The following COL5A2 variants were observed in gnomAD, a reference collection of about 807,000 sequenced individuals.
COL5A2 encodes the protein collagen alpha-2(V) chain.
In COL5A2, 23 loss-of-function variants were observed where a neutral mutation model predicts 208.2. The ratio of observed to expected loss-of-function variants is 0.11; its 90% CI spans 0.08 to 0.16. The LOEUF (loss-of-function observed/expected upper bound fraction) is 0.16. Among genes scored for constraint, COL5A2 ranks in the 10% least tolerant of loss-of-function variants. The probability of loss-of-function intolerance (pLI) is 1.00; values close to 1 mark genes in which losing one functional copy is unlikely to be tolerated. For synonymous variants in COL5A2, 625 were observed against 628.5 expected, an observed-to-expected ratio of 0.99 and a Z score of 0.08; for missense variants, 1,590 against 1,956.4, an observed-to-expected ratio of 0.81 and a Z score of 3.53.
the COL5A2 span, among the ~76,000 whole-genome samples, chr2:189,400,071 T>C: frequency 6.6e-6 from 1 of 152,190 alleles, no homozygotes. Context: ...CTTTATTTGA[T>C]CTAATTTTAT....
At chr2:189,338,126 T>C in the COL5A2 span, among the ~76,000 whole-genome samples, 1 of 152,216 alleles carries the variant, frequency 6.6e-6, no homozygotes, top group Non-Finnish European at 1.5e-5. Context: ...ACATAATATA[T>C]ATTACAAACG....
the COL5A2 span, among the ~76,000 whole-genome samples, chr2:189,253,720 G>A: frequency 6.6e-6 from 1 of 152,034 alleles, no homozygotes; most frequent in African/African-American, 2.4e-5. Flanking sequence ...ATTAAATTTG[G>A]TCGAAGTTCT....
intron 47 of COL5A2, among the ~76,000 whole-genome samples, chr2:189,044,782 T>C (rs914340791): frequency 1.3e-5 from 2 of 152,088 alleles, no homozygotes; most frequent in African/African-American, 4.8e-5. Flanking sequence ...GATCAGAACA[T>C]AGAAAGAAAA....
At position 189,173,560 on chromosome 2, in the gene COL5A2, G is replaced by A. The variant is rs113473533; in HGVS notation, c.97+5948C>T. 1.2e-4 allele frequency among the ~76,000 whole-genome samples: 19 copies of A among 152,080 alleles called. 1 individual carries two copies. Among genetic ancestry groups the A allele is most frequent in the East Asian group, 3.9e-4 (2 of 5,180 alleles). ...GAATATCACAGCTCATTCATCTTAC[G>A]TAAAATTTAGATAAATATATATGAA... On this transcript the variant is annotated intron_variant, in intron 1 of 53. Transcript: ENST00000374866.
At chr2:189,115,013 C>A (rs1330431308) in intron 1 of COL5A2, among the ~76,000 whole-genome samples, 1 of 151,794 alleles carries the variant, frequency 6.6e-6, no homozygotes, top group Non-Finnish European at 1.5e-5. Flanking sequence ...CTGATAATAC[C>A]ATCACTATTT....
intron 1 of COL5A2, among the ~76,000 whole-genome samples, chr2:189,129,517 C>T (rs1472388196): frequency 6.6e-6 from 1 of 151,952 alleles, no homozygotes; most frequent in African/African-American, 2.4e-5. Context: ...AATTTTATGT[C>T]AAATTTCCTT....
chr2:189,276,779 C>T, the COL5A2 span, among the ~76,000 whole-genome samples: 1 of 152,034 alleles, frequency 6.6e-6, no homozygotes, highest in African/African-American at 2.4e-5. Flanking sequence ...TTCTCTTTTG[C>T]AATGATGTAT....
the COL5A2 span, among the ~76,000 whole-genome samples, chr2:189,294,577 A>G: frequency 1.3e-5 from 2 of 152,296 alleles, no homozygotes; most frequent in South Asian, 4.1e-4. Context: ...CTAAAATGGA[A>G]TTCATTTTTT....
the COL5A2 span, among the ~76,000 whole-genome samples, chr2:189,288,301 T>G: frequency 6.6e-6 from 1 of 152,162 alleles, no homozygotes; most frequent in African/African-American, 2.4e-5. Flanking sequence ...TATTAGGGGT[T>G]TTTTCTATCT....
At chr2:189,176,062 T>G (rs1418990061) in intron 1 of COL5A2, among the ~76,000 whole-genome samples, 1 of 152,140 alleles carries the variant, frequency 6.6e-6, no homozygotes, top group Non-Finnish European at 1.5e-5. Context: ...TACTACTGAG[T>G]GTTAAATATC....
chr2:189,152,659 G>A (rs573668883), intron 1 of COL5A2, among the ~76,000 whole-genome samples: 13 of 152,232 alleles, frequency 8.5e-5, no homozygotes, highest in South Asian at 8.3e-4. Flanking sequence ...TCCAACTCCC[G>A]CAGAGGCTGG....
chr2:189,419,491 AAAT>A, the COL5A2 span, among the ~76,000 whole-genome samples: 1 of 152,148 alleles, frequency 6.6e-6, no homozygotes, highest in Non-Finnish European at 1.5e-5. Flanking sequence ...GTTGAAAGTC[AAAT>A]AAAAATAAAA....
the COL5A2 span, among the ~76,000 whole-genome samples, chr2:189,303,755 C>T: frequency 1.3e-5 from 2 of 152,162 alleles, no homozygotes; most frequent in Non-Finnish European, 2.9e-5. Flanking sequence ...AAGGCAAACG[C>T]GGAGCTGTAA....
chr2:189,275,341 T>G, the COL5A2 span, among the ~76,000 whole-genome samples: 1 of 152,040 alleles, frequency 6.6e-6, no homozygotes, highest in Non-Finnish European at 1.5e-5. Flanking sequence ...GTGGCATAGT[T>G]TTCTCATTTT....
intron 3 of COL5A2, among the ~76,000 whole-genome samples, chr2:189,100,952 T>C (rs1238653677): frequency 6.6e-6 from 1 of 152,036 alleles, no homozygotes; most frequent in East Asian, 1.9e-4. Flanking sequence ...ATTGGATGAA[T>C]TGTAGCTTTA....
At chr2:189,052,085 T>C (rs1685801714) in intron 41 of COL5A2, 87 bp downstream of exon 41, 1 of 1,106,054 alleles carries the variant, frequency 9.0e-7, no homozygotes. Context: ...ATTAAGAAAT[T>C]AAATAAAATA....
chr2:189,298,746 A>G, the COL5A2 span, among the ~76,000 whole-genome samples: 1 of 152,100 alleles, frequency 6.6e-6, no homozygotes, highest in Non-Finnish European at 1.5e-5. Flanking sequence ...TCCTTCTCCC[A>G]GTTTGGCTTT....
chr2:189,122,916 C>T (rs1370055797), intron 1 of COL5A2, among the ~76,000 whole-genome samples: 1 of 151,978 alleles, frequency 6.6e-6, no homozygotes, highest in Non-Finnish European at 1.5e-5. Context: ...CCACGAGACA[C>T]TAGGTAGAAA....
intron 18 of COL5A2, 76 bp from the exon 19 acceptor site, chr2:189,068,960 G>C: frequency 9.5e-7 from 1 of 1,047,416 alleles, no homozygotes; most frequent in South Asian, 1.3e-5. Context: ...CCGCTTATTT[G>C]GAATTTTACA....
Sources: allele counts gnomAD v4.1 joint callset (sites outside exome capture counted in the v4.1 genomes callset), GRCh38; gene constraint gnomAD v4.1.1; transcripts MANE v1.5; gene names NCBI Gene and HGNC (gene_info 2026-07-23, HGNC 2026-07-21).